Variants in REV3L observed in about 807,000 individuals in gnomAD.
REV3L encodes DNA polymerase zeta catalytic subunit.
A neutral mutation model predicts 299.4 loss-of-function variants in REV3L; 69 were observed. That is an observed-to-expected ratio of 0.23 (90% CI 0.19 to 0.28). The LOEUF is 0.28. REV3L is among the 10% of genes least tolerant of loss of function. The probability of loss-of-function intolerance (pLI) is 1.00; values close to 1 mark genes in which losing one functional copy is unlikely to be tolerated. For synonymous variants in REV3L, 1,238 were observed against 1,271.4 expected (o/e 0.97, Z 0.56); for missense variants, 3,128 against 3,693.8 (o/e 0.85, Z 3.97).
At chr6:111,365,089 C>CA (rs202012028) in intron 15 of REV3L, among the ~76,000 whole-genome samples, 176 bp downstream of exon 15, 3,198 of 144,022 alleles carry the variant, frequency 0.022, 61 homozygotes, top group South Asian at 0.061. Flanking sequence ...ATCCCAACAT[C>CA]AAAAAAAAAA....
chr6:111,344,311 T>A (rs1776815871), intron 20 of REV3L, among the ~76,000 whole-genome samples: 1 of 152,200 alleles, frequency 6.6e-6, no homozygotes, highest in African/African-American at 2.4e-5. Context: ...TTTAAGAGAT[T>A]CTAGTTCTTA....
At chr6:111,364,500 AATCT>A (rs1582696184) in intron 15 of REV3L, among the ~76,000 whole-genome samples, 1 of 152,028 alleles carries the variant, frequency 6.6e-6, no homozygotes, top group Non-Finnish European at 1.5e-5. Context: ...CTGATTTCTA[AATCT>A]ATTAACTGTT....
At chr6:111,483,608 C>T (rs1317675068), upstream of REV3L, 6 of 447,622 alleles carry the variant, frequency 1.3e-5, no homozygotes, top group Admixed American at 7.4e-5. Flanking sequence ...CCTCGCCGAC[C>T]GCCATTTCAC....
chr6:111,332,293 G>C (rs541881155), intron 23 of REV3L, among the ~76,000 whole-genome samples: 1 of 152,032 alleles, frequency 6.6e-6, no homozygotes, highest in African/African-American at 2.4e-5. Flanking sequence ...GGATGGTCTC[G>C]ATCTCCTAAC....
intron 25 of REV3L, among the ~76,000 whole-genome samples, chr6:111,322,959 G>A (rs983197347): frequency 9.2e-5 from 14 of 151,880 alleles, no homozygotes; most frequent in African/African-American, 3.4e-4. Flanking sequence ...AGCTACGTTG[G>A]ATTCTTGGAA....
intron 17 of REV3L, among the ~76,000 whole-genome samples, chr6:111,357,748 T>C (rs767829275): frequency 1.1e-4 from 16 of 152,190 alleles, no homozygotes; most frequent in Non-Finnish European, 1.3e-4. Flanking sequence ...ACTTTGTTTC[T>C]GTCTTTACTC....
Position 111,397,238 on chromosome 6 carries a change from C to G in REV3L, c.566-4266G>C, listed in dbSNP as rs551996368. ...TTTGAAATCTTTTTTTTGATATAGG[C>G]ACCTATTGCTATAAACTTACCTCTT... On this transcript the variant is annotated intron_variant, in intron 4 of 31. Transcript: ENST00000368802. 1.1e-4 allele frequency among the ~76,000 whole-genome samples: 17 copies of G among 152,018 alleles called. No homozygotes were observed. The South Asian group carries it at 3.3e-3, about 30-fold the overall frequency.
At chr6:111,444,124 T>A (rs1464609359) in intron 1 of REV3L, among the ~76,000 whole-genome samples, 1 of 152,140 alleles carries the variant, frequency 6.6e-6, no homozygotes, top group South Asian at 2.1e-4. Context: ...CCTTCAAACA[T>A]CTACTGGCAG....
intron 27 of REV3L, 159 bp from the exon 28 acceptor site, chr6:111,313,648 G>T: frequency 1.6e-6 from 1 of 618,570 alleles, no homozygotes; most frequent in Non-Finnish European, 2.6e-6. Context: ...ACACGTGGGA[G>T]CAAAATGAAT....
intron 31 of REV3L, among the ~76,000 whole-genome samples, chr6:111,303,394 T>C (rs569343694): frequency 1.5e-4 from 23 of 151,688 alleles, no homozygotes; most frequent in African/African-American, 5.3e-4. Flanking sequence ...TGAAATGGAG[T>C]CTCACTCTGT....
At chr6:111,476,622 T>A in intron 1 of REV3L, among the ~76,000 whole-genome samples, 1 of 152,162 alleles carries the variant, frequency 6.6e-6, no homozygotes, top group Non-Finnish European at 1.5e-5. Flanking sequence ...ATATTTAAGT[T>A]AATTCTAGTC....
chr6:111,459,699 A>G (rs545930856), intron 1 of REV3L, among the ~76,000 whole-genome samples: 1 of 152,310 alleles, frequency 6.6e-6, no homozygotes, highest in South Asian at 2.1e-4. Flanking sequence ...AGAAATGCAA[A>G]TCAAAATCAC....
At position 111,367,252 on chromosome 6, in the gene REV3L, G is replaced by A. The variant is rs371506300; in HGVS notation, c.6536C>T (p.Pro2179Leu). Reference sequence around the variant, plus strand: ...AGTATTAATTGGAGATATCACTAGAGGCTCTTGAGGCTCACTGCAGGGGCT... The same window carrying A: ...AGTATTAATTGGAGATATCACTAGAAGCTCTTGAGGCTCACTGCAGGGGCT... ...QKSPCSEPQE[P>L]LVISPINTRA... Residue 2179 changes from proline to leucine, a missense_variant, in exon 14 of 32, where the codon CCT becomes CTT. Pro to Leu is a moderately conservative substitution (Grantham distance 98). Coordinates refer to ENST00000368802, the MANE Select transcript of REV3L (RefSeq NM_001372078.1). The A allele has an allele frequency of 3.1e-6, 5 of 1,613,834 alleles. No individual in the cohort carries two copies. The highest frequency in any genetic ancestry group is 1.3e-5 in the African/African-American group (1 of 74,900).
At chr6:111,307,975 C>G (rs1457273540) in intron 30 of REV3L, 3 of 309,934 alleles carry the variant, frequency 9.7e-6, no homozygotes, top group Admixed American at 4.8e-5. Flanking sequence ...GTGATGTTCC[C>G]CGCCCTGTGT....
chr6:111,417,848 G>C (rs1784930560), intron 1 of REV3L, among the ~76,000 whole-genome samples: 1 of 152,156 alleles, frequency 6.6e-6, no homozygotes, highest in Non-Finnish European at 1.5e-5. Context: ...GTAATATTCT[G>C]ATTTGAACTA....
At chr6:111,434,572 T>C (rs990893446) in intron 1 of REV3L, among the ~76,000 whole-genome samples, 2 of 151,530 alleles carry the variant, frequency 1.3e-5, no homozygotes, top group African/African-American at 4.9e-5. Flanking sequence ...TGAGCCAAGA[T>C]TGTGCCACTG....
intron 1 of REV3L, among the ~76,000 whole-genome samples, chr6:111,422,579 C>A (rs9487634): frequency 3.7e-5 from 1 of 26,744 alleles, no homozygotes; most frequent in African/African-American, 7.3e-5. Context: ...TATATATACA[C>A]ATATATATAT....
At chr6:111,455,845 G>A (rs1790100244) in intron 1 of REV3L, among the ~76,000 whole-genome samples, 1 of 152,130 alleles carries the variant, frequency 6.6e-6, no homozygotes, top group African/African-American at 2.4e-5. Flanking sequence ...TGTATGTGTA[G>A]GTGTGTGGAA....
Position 111,431,425 on chromosome 6 carries a change from T to C in REV3L, c.140-14953A>G, listed in dbSNP as rs562542971. On this transcript the variant is annotated intron_variant, in intron 1 of 31. Transcript: ENST00000368802. ...AACTTTGGCGTTCCGGTTAAAGTTT[T>C]TGATTCTGAGGAAGCTGAAATATTC... is the stretch of plus-strand genomic sequence containing the variant. 305 of 1,018,656 alleles carry C rather than the reference T, an allele frequency of 3.0e-4. 3 individuals carry two copies. In the South Asian group the frequency reaches 3.5e-3, roughly 12 times the overall value. The allele number at this position is 1,018,656 out of a possible 1,614,324, so 63.1% of individuals were successfully genotyped here. A position where few individuals can be genotyped will look rare whatever the true frequency, so the allele number is the denominator to read the frequency against.
Sources: allele counts gnomAD v4.1 joint callset (sites outside exome capture counted in the v4.1 genomes callset), GRCh38; gene constraint gnomAD v4.1.1; transcripts MANE v1.5; gene names NCBI Gene and HGNC (gene_info 2026-07-23, HGNC 2026-07-21).